Variants in COBL observed in about 807,000 individuals in gnomAD.
COBL encodes cordon-bleu WH2 repeat protein.
In COBL, 51 loss-of-function variants were observed where a neutral mutation model predicts 98.8. That is an observed-to-expected ratio of 0.52 (90% confidence interval 0.41 to 0.65). COBL has a LOEUF of 0.65. Ranked by LOEUF, COBL falls within the 30% of genes least tolerant of loss-of-function variation. The probability of loss-of-function intolerance (pLI) is 0.00; values close to 1 mark genes in which losing one functional copy is unlikely to be tolerated. For missense variants in COBL, 1,617 were observed against 1,617.5 expected, an observed-to-expected ratio of 1.00 and a Z score of 0.01; for synonymous variants, 634 against 651.7, an observed-to-expected ratio of 0.97 and a Z score of 0.41.
chr7:51,254,351 G>A (rs1283492790), intron 1 of COBL, among the ~76,000 whole-genome samples: 1 of 152,116 alleles, frequency 6.6e-6, no homozygotes, highest in African/African-American at 2.4e-5. Context: ...AGTCCTTCTG[G>A]TACAGAAGTA....
chr7:51,206,263 G>C (rs1438046283), intron 2 of COBL, among the ~76,000 whole-genome samples: 1 of 152,156 alleles, frequency 6.6e-6, no homozygotes, highest in Non-Finnish European at 1.5e-5. Flanking sequence ...AGGCCAAGGT[G>C]GGTGGATCAC....
chr7:51,171,880 G>T (rs1311311163), intron 5 of COBL, among the ~76,000 whole-genome samples: 1 of 152,164 alleles, frequency 6.6e-6, no homozygotes, highest in African/African-American at 2.4e-5. Context: ...CTTTCTTACT[G>T]ATACAGAAGA....
chr7:51,029,710 T>A, intron 9 of COBL, 119 bp from the exon 10 acceptor site: 2 of 819,894 alleles, frequency 2.4e-6, no homozygotes, highest in Non-Finnish European at 3.7e-6. Context: ...ATATACGTTT[T>A]AAAATGTTAT....
At chr7:51,268,680 C>G (rs1184360660) in intron 1 of COBL, among the ~76,000 whole-genome samples, 1 of 152,032 alleles carries the variant, frequency 6.6e-6, no homozygotes, top group African/African-American at 2.4e-5. Flanking sequence ...GCCCATAACC[C>G]CAGCATTTTG....
Position 51,155,515 on chromosome 7 carries a change from G to A in COBL, c.784-19184C>T, listed in dbSNP as rs184284225. ...TGAGGCAGGAGAATCATTTGAACCT[G>A]GGAGGCGGAGGTTGCAGTGAGCTGA... On this transcript the variant is annotated intron_variant, in intron 5 of 12. Coordinates refer to ENST00000265136, the MANE Select transcript of COBL (RefSeq NM_015198.5). 1.5e-4 allele frequency among the ~76,000 whole-genome samples: 22 copies of A among 148,876 alleles called. No homozygotes were observed. In the East Asian group the frequency reaches 4.2e-3, roughly 28 times the overall value.
In COBL at chr7:51,152,206, T is replaced by C. The variant is rs551238727; in HGVS notation, c.784-15875A>G. On this transcript the variant is annotated intron_variant, in intron 5 of 12. Transcript: ENST00000265136. The stretch of plus-strand genomic sequence containing the variant: ...CAGGCCCAAGACAAATGAGCAGAGA[T>C]GACCAGCGCTCCAGAGACAGCTGTT... Among the ~76,000 whole-genome samples the C allele has an allele frequency of 1.3e-4, 20 of 152,350 alleles. No homozygotes were observed. The South Asian group carries it at 3.9e-3, about 30-fold the overall frequency.
At chr7:51,031,433 C>T (rs1788133816) in intron 8 of COBL, 1 of 154,046 alleles carries the variant, frequency 6.5e-6, no homozygotes, top group East Asian at 1.9e-4. Flanking sequence ...CAACACTGCA[C>T]AGCCCGGCTG....
chr7:51,275,041 T>A (rs1245739335), intron 1 of COBL, among the ~76,000 whole-genome samples: 1 of 152,192 alleles, frequency 6.6e-6, no homozygotes, highest in African/African-American at 2.4e-5. Flanking sequence ...TGAACCTCCA[T>A]CTTCCAGGGA....
intron 1 of COBL, among the ~76,000 whole-genome samples, chr7:51,238,695 T>C (rs1439348870): frequency 1.3e-5 from 2 of 152,174 alleles, no homozygotes; most frequent in Non-Finnish European, 2.9e-5. Context: ...GTGCAGGGTG[T>C]ATCCAGCAGC....
At chr7:51,211,972 A>T (rs1397183384) in intron 2 of COBL, among the ~76,000 whole-genome samples, 1 of 152,176 alleles carries the variant, frequency 6.6e-6, no homozygotes, top group South Asian at 2.1e-4. Flanking sequence ...AAATGGAATG[A>T]TTACCTTAAA....
chr7:51,283,908 A>G (rs914802534), intron 1 of COBL, among the ~76,000 whole-genome samples: 3 of 152,150 alleles, frequency 2.0e-5, no homozygotes, highest in Admixed American at 6.6e-5. Flanking sequence ...AACATCAGAC[A>G]GACACATCAC....
At chr7:51,131,652 G>A (rs981352212) in intron 6 of COBL, among the ~76,000 whole-genome samples, 1 of 150,634 alleles carries the variant, frequency 6.6e-6, no homozygotes, top group Non-Finnish European at 1.5e-5. Flanking sequence ...AGAGTGCAGT[G>A]GCACGATCTC....
chr7:51,043,943 T>G (rs139815387), intron 7 of COBL, among the ~76,000 whole-genome samples: 14 of 152,334 alleles, frequency 9.2e-5, no homozygotes, highest in African/African-American at 3.1e-4. Context: ...CCTTTTACAT[T>G]GGTCTCCTCT....
At chr7:51,099,812 T>A (rs1371388622) in intron 6 of COBL, among the ~76,000 whole-genome samples, 1 of 152,232 alleles carries the variant, frequency 6.6e-6, no homozygotes, top group African/African-American at 2.4e-5. Context: ...CGGTTTGTGA[T>A]AATATCACCA....
At chr7:51,078,781 C>G (rs1476085375) in intron 7 of COBL, among the ~76,000 whole-genome samples, 1 of 152,222 alleles carries the variant, frequency 6.6e-6, no homozygotes, top group Non-Finnish European at 1.5e-5. Context: ...CCCCCAACTT[C>G]ACTCAAGTGG....
intron 6 of COBL, among the ~76,000 whole-genome samples, chr7:51,106,197 T>C (rs577456021): frequency 1.2e-5 from 1 of 86,328 alleles, no homozygotes; most frequent in South Asian, 3.7e-4. Context: ...GAGCGAGATG[T>C]CTCAAAAAAA....
At chr7:51,106,598 A>G (rs192552315) in intron 6 of COBL, among the ~76,000 whole-genome samples, 2 of 152,256 alleles carry the variant, frequency 1.3e-5, no homozygotes, top group Admixed American at 1.3e-4. Context: ...AAATCACTAT[A>G]TTTTCTGCCA....
intron 9 of COBL, among the ~76,000 whole-genome samples, chr7:51,030,033 T>A (rs2128873659): frequency 6.6e-6 from 1 of 152,296 alleles, no homozygotes; most frequent in East Asian, 1.9e-4. Context: ...CTTGAGTATC[T>A]CAGAATTACC....
At chr7:51,169,061 C>T (rs994592160) in intron 5 of COBL, among the ~76,000 whole-genome samples, 7 of 152,170 alleles carry the variant, frequency 4.6e-5, no homozygotes, top group Non-Finnish European at 8.8e-5. Flanking sequence ...TTAACATCAA[C>T]TCAGACCTTA....
Sources: allele counts gnomAD v4.1 joint callset (sites outside exome capture counted in the v4.1 genomes callset), GRCh38; gene constraint gnomAD v4.1.1; transcripts MANE v1.5; gene names NCBI Gene and HGNC (gene_info 2026-07-23, HGNC 2026-07-21).